EIF4B: variants seen among roughly 807,000 people sequenced by gnomAD.
The protein encoded by EIF4B is eukaryotic translation initiation factor 4B.
EIF4B carries 8 observed loss-of-function variants against 79.3 expected under a neutral mutation model. The ratio of observed to expected loss-of-function variants is 0.10; its 90% CI spans 0.06 to 0.18. The LOEUF (loss-of-function observed/expected upper bound fraction) is 0.18. Ranked by LOEUF, EIF4B falls within the 10% of genes least tolerant of loss-of-function variation. The pLI, the probability that EIF4B is intolerant of heterozygous loss-of-function variation, is 1.00. For synonymous variants in EIF4B, 238 were observed against 274.7 expected (o/e 0.87, Z 1.32); for missense variants, 515 against 792.4 (o/e 0.65, Z 4.20).
At position 53,034,727 on chromosome 12, in the gene EIF4B, G is replaced by A; in HGVS notation, c.1306+18G>A. ...TAGCAGAAGTAAGTCAGACCAGGGT[G>A]GGTATCGTGTTATTGCCGTTTTCCA... On this transcript the variant is annotated intron_variant, in intron 10 of 14. Coordinates refer to ENST00000262056, the MANE Select transcript of EIF4B (RefSeq NM_001417.7). 1 of 1,613,880 alleles carries A rather than the reference G, an allele frequency of 6.2e-7. No individual in the cohort carries two copies. The highest frequency in any genetic ancestry group is 8.5e-7 in the Non-Finnish European group (1 of 1,179,794).
chr12:53,033,966 A>G lies in EIF4B; in HGVS notation c.1140A>G (p.Leu380=), dbSNP rs375934414. Residue 380 remains leucine (L), a synonymous_variant, in exon 9 of 15, where the codon CTA becomes CTG. Transcript: ENST00000262056. ...AAREREVEER[L]QKEQEKLQRQ... ...GAGAAAGAGAAGTAGAAGAACGGCT[A>G]CAGAAGGAACAAGAGAAGTTGCAGC... The G allele has an allele frequency of 3.8e-5, 62 of 1,613,964 alleles. No individual in the cohort carries two copies. The highest frequency in any genetic ancestry group is 5.1e-5 in the Non-Finnish European group (60 of 1,179,970).
chr12:53,034,028 G>C lies in EIF4B; in HGVS notation c.1202G>C (p.Arg401Pro). Residue 401 changes from arginine to proline, a missense_variant, in exon 9 of 15, where the codon CGG becomes CCG. Physicochemically the swap from Arg to Pro is moderately radical, Grantham distance 103 (BLOSUM62 -2). Coordinates refer to ENST00000262056, the MANE Select transcript of EIF4B (RefSeq NM_001417.7). Reference sequence around the variant, plus strand: ...GAGCCAAAACTAGAACGACGGCCTCGGGAGAGGTGTGTTGTCTTGATGGAT... The same window carrying C: ...GAGCCAAAACTAGAACGACGGCCTCCGGAGAGGTGTGTTGTCTTGATGGAT... Reference protein sequence around the residue: ...LDEPKLERRPRERHPSWRSEE... With the variant: ...LDEPKLERRPPERHPSWRSEE... The C allele has an allele frequency of 6.2e-7, 1 of 1,609,442 alleles. No individual in the cohort carries two copies. Among genetic ancestry groups the C allele is most frequent in the Non-Finnish European group, 8.5e-7 (1 of 1,177,622 alleles).
chr12:53,031,812 CT>C (rs1943451757), intron 8 of EIF4B, among the ~76,000 whole-genome samples: 1 of 152,170 alleles, frequency 6.6e-6, no homozygotes, highest in African/African-American at 2.4e-5. Flanking sequence ...AAGTCACCAT[CT>C]AGTGGTTATT....
Position 53,042,122 on chromosome 12 carries a change from T to C in EIF4B, c.*1899T>C, listed in dbSNP as rs531411866. On this transcript the variant is annotated 3_prime_UTR_variant, in exon 15 of 15. Coordinates refer to ENST00000262056, the MANE Select transcript of EIF4B (RefSeq NM_001417.7). ...AAATGATTTGTAATCTGTAGACTTA[T>C]TACCTGGGAGATGTCTTGATGTAAA... The C allele has an allele frequency of 2.6e-5, 4 of 152,646 alleles. No homozygotes were observed. Among genetic ancestry groups the C allele is most frequent in the Admixed American group, 6.5e-5 (1 of 15,284 alleles). The allele number at this position is 152,646 out of a possible 1,614,324, so 9.5% of individuals were successfully genotyped here. A position where few individuals can be genotyped will look rare whatever the true frequency, so the allele number is the denominator to read the frequency against.
intron 1 of EIF4B, among the ~76,000 whole-genome samples, chr12:53,006,903 G>A (rs1942970983): frequency 6.6e-6 from 1 of 151,218 alleles, no homozygotes. Context: ...ACGTCTCCAA[G>A]GCGCGAGGCT....
chr12:53,023,148 C>G (rs1943276116), intron 6 of EIF4B, among the ~76,000 whole-genome samples: 1 of 152,122 alleles, frequency 6.6e-6, no homozygotes, highest in African/African-American at 2.4e-5. Flanking sequence ...CCAACAGATT[C>G]TACAAAGTGA....
intron 1 of EIF4B, 130 bp downstream of exon 1, chr12:53,006,626 G>T: frequency 6.6e-7 from 1 of 1,524,706 alleles, no homozygotes; most frequent in Non-Finnish European, 8.9e-7. Flanking sequence ...GCGGCAGGCT[G>T]GCGGCGTGGC....
chr12:53,009,751 T>C (rs951365297), intron 1 of EIF4B, among the ~76,000 whole-genome samples: 8 of 152,196 alleles, frequency 5.3e-5, no homozygotes, highest in African/African-American at 1.9e-4. Context: ...CATGTATATG[T>C]TATTCTGTGA....
intron 1 of EIF4B, chr12:53,013,716 GGC>G (rs1327243154): frequency 6.6e-6 from 1 of 152,050 alleles, no homozygotes; most frequent in Non-Finnish European, 1.5e-5. Flanking sequence ...GAACCTGGGA[GGC>G]AGAGGTTATA....
chr12:53,020,572 G>T (rs934377977), intron 4 of EIF4B, among the ~76,000 whole-genome samples: 7 of 151,912 alleles, frequency 4.6e-5, no homozygotes, highest in Non-Finnish European at 8.8e-5. Flanking sequence ...GGACTTGAGG[G>T]GCTTATATCT....
intron 11 of EIF4B, 179 bp downstream of exon 11, chr12:53,037,801 TC>T: frequency 1.5e-6 from 1 of 668,652 alleles, no homozygotes; most frequent in Non-Finnish European, 2.6e-6. Context: ...TTTCTGGAGT[TC>T]CACCACTTTG....
chr12:53,028,094 GGACCGCTATGAA>G lies in EIF4B; in HGVS notation c.891_902del (p.Glu299_Tyr302del), dbSNP rs1943371158. On this transcript the variant is annotated inframe_deletion, in exon 8 of 15. Transcript: ENST00000262056. ...GGGATGATGACTACAGAGGAGGCGG[GGACCGCTATGAA>G]GACCGATATGACAGACGGGATGATC... 1 of 1,613,944 alleles carries G rather than the reference GGACCGCTATGAA, an allele frequency of 6.2e-7. No homozygotes were observed. The highest frequency in any genetic ancestry group is 8.5e-7 in the Non-Finnish European group (1 of 1,179,990).
rs1298748034 is a variant in EIF4B at position 53,038,400 on chromosome 12, C to T, written c.1565C>T (p.Pro522Leu). 1.3e-6 allele frequency: 2 copies of T among 1,599,082 alleles called. No homozygotes were observed. Among genetic ancestry groups the T allele is most frequent in the African/African-American group, 1.3e-5 (1 of 74,144 alleles). ...CCAGCTCAACCATCTGAGGAAGGAC[C>T]AGGAAGGAAAGGTGAGCTCATAGTA... is the stretch of plus-strand genomic sequence containing the variant. ...VAPAQPSEEG[P>L]GRKDENKVDG... The change falls in exon 12 of 15, where the codon CCA becomes CTA. Residue 522 changes from proline (P) to leucine (L), a missense_variant. Transcript: ENST00000262056.
At chr12:53,039,101 A>AG (rs1943587064) in intron 12 of EIF4B, 137 bp from the exon 13 acceptor site, 1 of 602,232 alleles carries the variant, frequency 1.7e-6, no homozygotes, top group Admixed American at 3.2e-5. Flanking sequence ...GGCTTCAGGA[A>AG]GGAAGTCTGG....
chr12:53,011,952 T>C (rs1020869733), intron 1 of EIF4B, among the ~76,000 whole-genome samples: 11 of 152,180 alleles, frequency 7.2e-5, no homozygotes, highest in African/African-American at 2.7e-4. Context: ...TTGCAAAGGA[T>C]TGATAAACCT....
chr12:53,037,428 T>A lies in EIF4B; in HGVS notation c.1326T>A (p.Ser442Arg). The A allele has an allele frequency of 1.9e-6, 3 of 1,611,822 alleles. No individual in the cohort carries two copies. Among genetic ancestry groups the A allele is most frequent in the Non-Finnish European group, 2.5e-6 (3 of 1,179,492 alleles). Reference protein sequence around the residue: ...TSSRNARRRESEKSLENETLN... With the variant: ...TSSRNARRREREKSLENETLN... The stretch of plus-strand genomic sequence containing the variant: ...TCACAGATGCACGAAGGAGAGAGAG[T>A]GAGAAGTCTCTAGAAAATGAAACAC... The change falls in exon 11 of 15, where the codon AGT becomes AGA. Residue 442 changes from serine to arginine, a missense_variant. This residue lies in a region of EIF4B where 146 missense variants were observed against 228.0 expected (regional missense o/e 0.64). Transcript: ENST00000262056.
chr12:53,033,296 G>T (rs967502876), intron 8 of EIF4B, among the ~76,000 whole-genome samples: 2 of 150,976 alleles, frequency 1.3e-5, no homozygotes, highest in Non-Finnish European at 2.9e-5. Flanking sequence ...CGGGATTACA[G>T]ACGTGAGCCA....
intron 8 of EIF4B, among the ~76,000 whole-genome samples, chr12:53,030,410 A>ATTTT (rs1555153412): frequency 3.5e-4 from 12 of 34,180 alleles, no homozygotes; most frequent in South Asian, 2.0e-3. Context: ...AAAAAATTAT[A>ATTTT]TTCTTTTTTT....
chr12:53,029,348 C>T (rs908242801), intron 8 of EIF4B, among the ~76,000 whole-genome samples: 1 of 150,896 alleles, frequency 6.6e-6, no homozygotes, highest in East Asian at 2.0e-4. Context: ...GTATCTGGCC[C>T]AGAATTTTTT....
Sources: allele counts gnomAD v4.1 joint callset (sites outside exome capture counted in the v4.1 genomes callset), GRCh38; gene constraint gnomAD v4.1.1; regional missense constraint gnomAD v4.1.1; transcripts MANE v1.5; gene names NCBI Gene and HGNC (gene_info 2026-07-23, HGNC 2026-07-21).